Variants in DUOX1 observed in about 807,000 individuals in gnomAD.
DUOX1 encodes dual oxidase 1.
DUOX1 carries 134 observed loss-of-function variants against 181.8 expected under a neutral mutation model. The observed-to-expected ratio is 0.74, with a 90% CI of 0.64 to 0.85. The LOEUF (loss-of-function observed/expected upper bound fraction) is 0.85. DUOX1 is among the 40% of genes least tolerant of loss of function. The pLI, the probability that DUOX1 is intolerant of heterozygous loss-of-function variation, is 0.00. For synonymous variants in DUOX1, 798 were observed against 832.5 expected (o/e 0.96, Z 0.71); for missense variants, 1,814 against 2,064.4 (o/e 0.88, Z 2.35).
In DUOX1 at chr15:45,151,707, G is replaced by A; in HGVS notation, c.3015-167G>A. The A allele has an allele frequency of 4.4e-6, 3 of 683,376 alleles. No individual in the cohort carries two copies. The South Asian group carries it at 5.9e-5, about 13-fold the overall frequency. 42.3% of individuals were successfully genotyped at this position (683,376 alleles called of 1,614,324 possible). ...CAGCTTGCTTATGCAGTGCAATATA[G>A]CCTGATGCGGTGAGGTCTGAACCCT... On this transcript the variant is annotated intron_variant, in intron 23 of 33. Transcript: ENST00000389037.
intron 12 of DUOX1, chr15:45,140,612 C>CT: frequency 3.1e-6 from 1 of 324,378 alleles, no homozygotes; most frequent in African/African-American, 2.1e-5. Context: ...GTCCCTTCAA[C>CT]TTTCATACCT....
At chr15:45,141,439 T>G (rs1595580896) in intron 14 of DUOX1, 29 bp downstream of exon 14, 1 of 1,608,898 alleles carries the variant, frequency 6.2e-7, no homozygotes, top group African/African-American at 1.3e-5. Context: ...GCTGGAGGAG[T>G]GGTGGGTCTG....
At chr15:45,139,868 T>C (rs776854809) in intron 12 of DUOX1, 5 of 572,158 alleles carry the variant, frequency 8.7e-6, no homozygotes, top group Non-Finnish European at 1.2e-5. Flanking sequence ...CACTATCTTA[T>C]TTACTGTTCT....
rs373995612 is a variant in DUOX1 at position 45,153,497 on chromosome 15, T to A, written c.3524+18T>A. ...GATGATGGGTGAGTAAGTGCGAATG[T>A]GTGTGTGTGTGTGTGTGTGTGTGTG... On this transcript the variant is annotated intron_variant, in intron 26 of 33. Coordinates refer to ENST00000389037, the MANE Select transcript of DUOX1 (RefSeq NM_175940.3). The A allele has an allele frequency of 8.9e-6, 3 of 335,594 alleles. No individual in the cohort carries two copies. The highest frequency in any genetic ancestry group is 8.9e-5 in the Admixed American group (1 of 11,224). 20.8% of individuals were successfully genotyped at this position (335,594 alleles called of 1,614,324 possible). A position where few individuals can be genotyped will look rare whatever the true frequency, so the allele number is the denominator to read the frequency against.
intron 10 of DUOX1, 55 bp downstream of exon 10, chr15:45,138,069 T>G (rs1286824289): frequency 6.8e-6 from 8 of 1,181,554 alleles, no homozygotes; most frequent in African/African-American, 5.6e-5. Context: ...TGCTTATGTG[T>G]GTGTGTGTAT....
chr15:45,161,776 G>A lies in DUOX1; in HGVS notation c.3895G>A (p.Glu1299Lys). ...HLRFQRPQGF[E>K]YKSGQWVRIA... Reference sequence around the variant, plus strand: ...GCGGTTCCAGCGGCCCCAGGGCTTTGAGTACAAGTCAGGGCAGTGGGTGCG... The same window carrying A: ...GCGGTTCCAGCGGCCCCAGGGCTTTAAGTACAAGTCAGGGCAGTGGGTGCG... Residue 1299 changes from glutamate to lysine, a missense_variant, in exon 30 of 34, where the codon GAG becomes AAG. Physicochemically the swap from Glu to Lys is moderately conservative, Grantham distance 56 (BLOSUM62 1). Around this residue, in one of 5 missense-constraint regions of DUOX1, gnomAD observed 279 missense variants for 381.9 expected, o/e 0.73. Transcript: ENST00000389037. 1.2e-6 allele frequency: 2 copies of A among 1,613,986 alleles called. No individual in the cohort carries two copies. Among genetic ancestry groups the A allele is most frequent in the East Asian group, 2.2e-5 (1 of 44,874 alleles).
chr15:45,130,240 T>C (rs530083770), intron 1 of DUOX1, 142 bp downstream of exon 1: 1 of 152,364 alleles, frequency 6.6e-6, no homozygotes, highest in East Asian at 1.9e-4. Flanking sequence ...CCTCCGATCT[T>C]ATCCTAAGGC....
chr15:45,137,946 G>A lies in DUOX1; in HGVS notation c.1045G>A (p.Gly349Arg). ...CAGAAATGCCAGCTGCCACTTCCAG[G>A]GGGTCATCAATCGGAACTCAAGTGT... Reference protein sequence around the residue: ...YMRNASCHFQGVINRNSSVSR... With the variant: ...YMRNASCHFQRVINRNSSVSR... The change falls in exon 10 of 34, where the codon GGG becomes AGG. Residue 349 changes from glycine to arginine, a missense_variant. Transcript: ENST00000389037. The A allele has an allele frequency of 6.2e-7, 1 of 1,608,450 alleles. No homozygotes were observed. The highest frequency in any genetic ancestry group is 8.5e-7 in the Non-Finnish European group (1 of 1,176,930).
rs1441882363 is a variant in DUOX1 at position 45,136,535 on chromosome 15, G to A, written c.932G>A (p.Arg311Gln). The A allele has an allele frequency of 2.5e-6, 4 of 1,614,084 alleles. No individual in the cohort carries two copies. The highest frequency in any genetic ancestry group is 2.2e-5 in the South Asian group (2 of 91,086). ...TCTTCTCCTATTTCCCCAGGATACC[G>A]GCCATTTCTGGACCCCAGCATCTCC... Reference protein sequence around the residue: ...QKTLPEYTGYRPFLDPSISSE... With the variant: ...QKTLPEYTGYQPFLDPSISSE... Residue 311 changes from arginine (R) to glutamine (Q), a missense_variant, in exon 9 of 34, where the codon CGG (arginine) becomes CAG (glutamine). Physicochemically the swap from Arg to Gln is conservative, Grantham distance 43. This residue lies in a region of DUOX1 where 1,064 missense variants were observed against 1,152.9 expected (regional missense o/e 0.92). Coordinates refer to ENST00000389037, the MANE Select transcript of DUOX1 (RefSeq NM_175940.3).
At chr15:45,148,081 G>A (rs1276421641) in intron 20 of DUOX1, 84 bp downstream of exon 20, 1 of 1,444,674 alleles carries the variant, frequency 6.9e-7, no homozygotes, top group Non-Finnish European at 9.7e-7. Flanking sequence ...GAGAGCAGAA[G>A]GGCCAAGGAA....
chr15:45,145,597 A>G (rs572193069), intron 18 of DUOX1, among the ~76,000 whole-genome samples: 2 of 152,266 alleles, frequency 1.3e-5, no homozygotes, highest in East Asian at 3.9e-4. Flanking sequence ...GGAGCAGGGT[A>G]GTGGAGTGGA....
rs1263938673 is a variant in DUOX1 at position 45,164,850 on chromosome 15, C to T, written c.4605C>T (p.Leu1535=). 1 of 1,613,930 alleles carries T rather than the reference C, an allele frequency of 6.2e-7. No homozygotes were observed. Among genetic ancestry groups the T allele is most frequent in the Admixed American group, 1.7e-5 (1 of 60,024 alleles). The part of the protein sequence containing the change: ...MTKNVEKACQ[L]INRQDRTHFS... ...AGAATGTGGAAAAGGCCTGTCAGCT[C>T]ATCAACAGGCAGGACCGGACTCACT... Residue 1535 remains leucine (L), a synonymous_variant, in exon 34 of 34, where the codon CTC becomes CTT. Transcript: ENST00000389037.
At position 45,135,085 on chromosome 15, in the gene DUOX1, C is replaced by A. The variant is rs772896650; in HGVS notation, c.308-19C>A. 3.7e-6 allele frequency: 6 copies of A among 1,609,214 alleles called. No homozygotes were observed. The highest frequency in any genetic ancestry group is 2.7e-5 in the African/African-American group (2 of 74,266). On this transcript the variant is annotated intron_variant, in intron 4 of 33. Coordinates refer to ENST00000389037, the MANE Select transcript of DUOX1 (RefSeq NM_175940.3). ...TGGCCCTCTGCTTGCCCTAGCACCC[C>A]CTCCTGCACTGCCCGCAGGCTATCA... is the stretch of plus-strand genomic sequence containing the variant.
chr15:45,140,943 G>C lies in DUOX1; in HGVS notation c.1438G>C (p.Glu480Gln). Residue 480 changes from glutamate to glutamine, a missense_variant, in exon 13 of 34, where the codon GAG (glutamate) becomes CAG (glutamine). Physicochemically the swap from Glu to Gln is conservative, Grantham distance 29. Transcript: ENST00000389037. ...GTACAACCAGGACTTATCCTGGCTA[G>C]AGCTGCTCCCTGGGGGACTCCTGGA... is the stretch of plus-strand genomic sequence containing the variant. ...ALYNQDLSWL[E>Q]LLPGGLLESH... is the part of the protein sequence containing the mutation. 1.2e-6 allele frequency: 2 copies of C among 1,614,174 alleles called. No individual in the cohort carries two copies. Among genetic ancestry groups the C allele is most frequent in the Non-Finnish European group, 1.7e-6 (2 of 1,180,038 alleles).
Position 45,141,341 on chromosome 15 carries a change from G to A in DUOX1, c.1615G>A (p.Asp539Asn), listed in dbSNP as rs1480138259. The change falls in exon 14 of 34, where the codon GAC becomes AAC. Residue 539 changes from aspartate to asparagine, a missense_variant. By Grantham distance (23) the Asp-to-Asn change is conservative. This residue lies in a region of DUOX1 where 1,064 missense variants were observed against 1,152.9 expected (regional missense o/e 0.92). Coordinates refer to ENST00000389037, the MANE Select transcript of DUOX1 (RefSeq NM_175940.3). ...IEEIRNTTLQ[D>N]VLVAVINIDP... The stretch of plus-strand genomic sequence containing the variant: ...AGAAATCCGAAATACCACCCTGCAG[G>A]ACGTGCTGGTCGCTGTTATCAACAT... 6.2e-7 allele frequency: 1 copy of A among 1,614,120 alleles called. No individual in the cohort carries two copies. The highest frequency in any genetic ancestry group is 2.2e-5 in the East Asian group (1 of 44,894).
In DUOX1 at chr15:45,161,004, A is replaced by C; in HGVS notation, c.3856+14A>C. 6.2e-7 allele frequency: 1 copy of C among 1,614,012 alleles called. No individual in the cohort carries two copies. Among genetic ancestry groups the C allele is most frequent in the South Asian group, 1.1e-5 (1 of 91,068 alleles). ...TGCTGCCCTCAGGTACCAGCCTGGC[A>C]GGAGATCAGCTTGGTGACACTGAGG... On this transcript the variant is annotated intron_variant, in intron 29 of 33. Transcript: ENST00000389037.
At chr15:45,137,810 C>A in intron 9 of DUOX1, 114 bp from the exon 10 acceptor site, 1 of 801,968 alleles carries the variant, frequency 1.2e-6, no homozygotes, top group Non-Finnish European at 1.9e-6. Flanking sequence ...CCACACACCA[C>A]CTCGGAAAGA....
At chr15:45,154,231 C>T (rs2271436) in intron 27 of DUOX1, among the ~76,000 whole-genome samples, 24,734 of 152,090 alleles carry the variant, frequency 0.16, 2,422 homozygotes, top group East Asian at 0.42. Flanking sequence ...TGGGCTAGTT[C>T]CTTCTCTAGT....
Position 45,152,029 on chromosome 15 carries a change from G to C in DUOX1, c.3170G>C (p.Gly1057Ala), listed in dbSNP as rs777590867. 2.1e-5 allele frequency: 34 copies of C among 1,613,952 alleles called. No individual in the cohort carries two copies. Among genetic ancestry groups the C allele is most frequent in the Non-Finnish European group, 2.5e-5 (30 of 1,179,994 alleles). ...GCCGTGTTCTACGCCATCGCTGGGG[G>C]GCTTTTCCTGGAGAGGGCCTACTGT... Reference protein sequence around the residue: ...CVAVFYAIAGGLFLERAYYYA... With the variant: ...CVAVFYAIAGALFLERAYYYA... Residue 1057 changes from glycine to alanine, a missense_variant, in exon 24 of 34, where the codon GGG becomes GCG. Around this residue, in one of 5 missense-constraint regions of DUOX1, gnomAD observed 1,064 missense variants for 1,152.9 expected, o/e 0.92. Transcript: ENST00000389037.
Sources: gnomAD v4.1 joint callset for allele counts (sites outside exome capture counted in the v4.1 genomes callset) on GRCh38, gnomAD v4.1.1 for gene constraint, gnomAD v4.1.1 regional missense constraint, MANE v1.5 for transcripts, NCBI Gene and HGNC (gene_info 2026-07-23, HGNC 2026-07-21) for gene names.